BUB1B: variants seen among roughly 807,000 people sequenced by gnomAD.
BUB1B encodes the protein mitotic checkpoint serine/threonine-protein kinase BUB1 beta.
Under a neutral mutation model 137.7 loss-of-function variants are expected in BUB1B, and 86 were observed. The observed-to-expected ratio is 0.62, with a 90% CI of 0.52 to 0.75. The LOEUF is 0.75. BUB1B is among the 30% of genes least tolerant of loss of function. BUB1B has a pLI of 0.00. For missense variants in BUB1B, 1,130 were observed against 1,236.9 expected (o/e 0.91, Z 1.30); for synonymous variants, 420 against 417.9 (o/e 1.00, Z -0.06).
chr15:40,162,019 A>G (rs900621654), intron 1 of BUB1B, among the ~76,000 whole-genome samples: 1 of 152,210 alleles, frequency 6.6e-6, no homozygotes, highest in African/African-American at 2.4e-5. Context: ...GGAGTCAGAC[A>G]ATAAAGACAA....
rs1427050449 is a variant in BUB1B, at chr15:40,210,210, G to A, written c.2385G>A (p.Lys795=). 7 of 1,585,420 alleles carry A rather than the reference G, an allele frequency of 4.4e-6. No homozygotes were observed. The highest frequency in any genetic ancestry group is 6.1e-6 in the Non-Finnish European group (7 of 1,154,436). The change falls in exon 18 of 23, where the codon AAG becomes AAA. Residue 795 remains lysine (K), a splice_region_variant and synonymous_variant. Transcript: ENST00000287598. The part of the protein sequence containing the change: ...PRNSAELTVI[K]VSSQPVPWDF... ...ACTCTGCAGAATTAACAGTAATAAA[G>A]GTGGGACTGATTCTTTATAATTTCA...
intron 4 of BUB1B, among the ~76,000 whole-genome samples, chr15:40,174,942 C>T (rs961707405): frequency 5.3e-5 from 8 of 151,718 alleles, no homozygotes; most frequent in East Asian, 3.9e-4. Context: ...CCAGCCTGGG[C>T]GACAGAGTGA....
Position 40,220,865 on chromosome 15 carries a change from C to T in BUB1B, c.*106C>T. ...TTAATTTAGGACACATTTAGATGCA[C>T]TACCATTGCTGTTCTACTTTTTGGT... On this transcript the variant is annotated 3_prime_UTR_variant, in exon 23 of 23. Coordinates refer to ENST00000287598, the MANE Select transcript of BUB1B (RefSeq NM_001211.6). 1 of 1,189,212 alleles carries T rather than the reference C, an allele frequency of 8.4e-7. No individual in the cohort carries two copies. Among genetic ancestry groups the T allele is most frequent in the Admixed American group, 1.8e-5 (1 of 54,344 alleles). 73.7% of individuals were successfully genotyped at this position (1,189,212 alleles called of 1,614,324 possible). A position where few individuals can be genotyped will look rare whatever the true frequency, so the allele number is the denominator to read the frequency against.
chr15:40,177,262 G>A (rs560220148), intron 5 of BUB1B, among the ~76,000 whole-genome samples: 116 of 152,164 alleles, frequency 7.6e-4, no homozygotes, highest in African/African-American at 2.7e-3. Context: ...TTCTTGTATG[G>A]ATCGTGCTTT....
intron 5 of BUB1B, among the ~76,000 whole-genome samples, chr15:40,178,934 AATC>A (rs1160616560): frequency 2.6e-5 from 4 of 152,004 alleles, no homozygotes; most frequent in Non-Finnish European, 5.9e-5. Context: ...AGAGTTGTAT[AATC>A]ATCATTACAA....
intron 4 of BUB1B, among the ~76,000 whole-genome samples, chr15:40,173,311 A>AG (rs2037187347): frequency 6.6e-6 from 1 of 151,236 alleles, no homozygotes; most frequent in Non-Finnish European, 1.5e-5. Flanking sequence ...AAAAAAAAAA[A>AG]AAAAAAGATT....
intron 8 of BUB1B, among the ~76,000 whole-genome samples, chr15:40,188,210 G>A (rs949100500): frequency 6.6e-6 from 1 of 152,008 alleles, no homozygotes; most frequent in Non-Finnish European, 1.5e-5. Context: ...ACCACGCCCG[G>A]CTGATTTTTG....
chr15:40,190,136 A>G (rs540709206), intron 8 of BUB1B, among the ~76,000 whole-genome samples: 1 of 152,208 alleles, frequency 6.6e-6, no homozygotes, highest in South Asian at 2.1e-4. Flanking sequence ...AACCATTTAT[A>G]TACTATGTTT....
chr15:40,191,440 C>G (rs758212212), intron 8 of BUB1B, among the ~76,000 whole-genome samples: 10 of 152,178 alleles, frequency 6.6e-5, no homozygotes, highest in Non-Finnish European at 1.5e-4. Context: ...TCAATGATCT[C>G]TTTTGAAGAC....
At chr15:40,193,230 C>A (rs992366752) in intron 8 of BUB1B, among the ~76,000 whole-genome samples, 4 of 152,106 alleles carry the variant, frequency 2.6e-5, no homozygotes, top group Non-Finnish European at 5.9e-5. Flanking sequence ...TAGGAAAGTG[C>A]CAAGTTATTT....
chr15:40,179,988 A>ATATATATATC (rs1555381477), intron 5 of BUB1B, among the ~76,000 whole-genome samples: 3 of 142,576 alleles, frequency 2.1e-5, no homozygotes, highest in African/African-American at 7.5e-5. Context: ...ATATATATAT[A>ATATATATATC]TCTCTTAAAT....
intron 8 of BUB1B, among the ~76,000 whole-genome samples, chr15:40,191,377 G>A (rs190526051): frequency 8.6e-5 from 13 of 152,020 alleles, no homozygotes; most frequent in East Asian, 3.9e-4. Flanking sequence ...ACTTCTTTTC[G>A]GATACATGAT....
chr15:40,209,338 G>A (rs1330789866), intron 16 of BUB1B, among the ~76,000 whole-genome samples: 7 of 152,198 alleles, frequency 4.6e-5, no homozygotes, highest in Admixed American at 1.3e-4. Flanking sequence ...GGAGAATGGC[G>A]TGAACCCGGG....
intron 8 of BUB1B, among the ~76,000 whole-genome samples, chr15:40,194,902 TA>T (rs1334634831): frequency 6.6e-6 from 1 of 152,252 alleles, no homozygotes; most frequent in Non-Finnish European, 1.5e-5. Context: ...CTATAAGTAA[TA>T]TAAGCTACTT....
chr15:40,185,209 A>G lies in BUB1B; in HGVS notation c.796A>G (p.Met266Val). ...RGLQNPFPQQ[M>V]QNNSRITVFD... The stretch of plus-strand genomic sequence containing the variant: ...ACTCCAAAATCCATTTCCTCAACAG[A>G]TGCAAAATAATAGTAGAATTACTGT... Residue 266 changes from methionine (M) to valine (V), a missense_variant, in exon 7 of 23, where the codon ATG becomes GTG. Physicochemically the swap from Met to Val is conservative, Grantham distance 21. Transcript: ENST00000287598. 1 of 1,614,164 alleles carries G rather than the reference A, an allele frequency of 6.2e-7. No individual in the cohort carries two copies. Among genetic ancestry groups the G allele is most frequent in the Non-Finnish European group, 8.5e-7 (1 of 1,180,030 alleles).
chr15:40,192,751 T>C (rs1290749721), intron 8 of BUB1B, among the ~76,000 whole-genome samples: 1 of 152,230 alleles, frequency 6.6e-6, no homozygotes, highest in Admixed American at 6.5e-5. Context: ...GATATTCCAT[T>C]GTATAGATGT....
At chr15:40,201,002 T>C (rs749816030) in intron 12 of BUB1B, 22 bp downstream of exon 12, 43 of 1,606,712 alleles carry the variant, frequency 2.7e-5, no homozygotes, top group Non-Finnish European at 3.6e-5. Context: ...TTGACAGCCT[T>C]GAGAAGAACT....
intron 4 of BUB1B, among the ~76,000 whole-genome samples, chr15:40,174,743 A>G (rs1173455061): frequency 1.3e-5 from 2 of 152,200 alleles, no homozygotes; most frequent in Admixed American, 6.5e-5. Flanking sequence ...AGGTGGGTGG[A>G]TCACCAGGTC....
In BUB1B at chr15:40,176,413, T is replaced by G. The variant is rs141974565; in HGVS notation, c.385-64T>G. 648 of 1,400,770 alleles carry G rather than the reference T, an allele frequency of 4.6e-4. 6 individuals are homozygous for G. The East Asian group carries it at 0.014, about 30-fold the overall frequency. The allele number at this position is 1,400,770 out of a possible 1,614,324, so 86.8% of individuals were successfully genotyped here. On this transcript the variant is annotated intron_variant, in intron 4 of 22. Coordinates refer to ENST00000287598, the MANE Select transcript of BUB1B (RefSeq NM_001211.6). ...GCATGTAGTATCTCCAGTGATTGTT[T>G]GGCAACTAATAGGCATTCAATACGT...
Sources: gnomAD v4.1 joint callset for allele counts (sites outside exome capture counted in the v4.1 genomes callset) on GRCh38, gnomAD v4.1.1 for gene constraint, MANE v1.5 for transcripts, NCBI Gene and HGNC (gene_info 2026-07-23, HGNC 2026-07-21) for gene names.